MRAS: variants seen among roughly 807,000 people sequenced by gnomAD.
The protein encoded by MRAS is muscle RAS oncogene homolog.
A neutral mutation model predicts 20.9 loss-of-function variants in MRAS; 4 were observed. The observed-to-expected ratio is 0.19, with a 90% confidence interval of 0.09 to 0.44. MRAS has a LOEUF of 0.44. Among genes scored for constraint, MRAS ranks in the 20% least tolerant of loss-of-function variants. MRAS has a pLI of 0.99. For missense variants in MRAS, 154 were observed against 277.5 expected (o/e 0.56, Z 3.16); for synonymous variants, 98 against 102.9 (o/e 0.95, Z 0.29).
rs1398301625 is a variant in MRAS, at chr3:138,372,848, CAT to C, written c.-18-17_-18-16del. 1.4e-6 allele frequency: 2 copies of C among 1,481,402 alleles called. No homozygotes were observed. Among genetic ancestry groups the C allele is most frequent in the Non-Finnish European group, 1.8e-6 (2 of 1,117,950 alleles). The allele number at this position is 1,481,402 out of a possible 1,614,324, so 91.8% of individuals were successfully genotyped here. A position where few individuals can be genotyped will look rare whatever the true frequency, so the allele number is the denominator to read the frequency against. ...TAAAAAAGCCCTCTGTCTCATTCCA[CAT>C]GTCTTGCTGCCGCAGGTCTGACCTA... is the stretch of plus-strand genomic sequence containing the variant. On this transcript the variant is annotated splice_polypyrimidine_tract_variant and intron_variant, in intron 1 of 5. Coordinates refer to ENST00000423968, the MANE Select transcript of MRAS (RefSeq NM_001085049.3).
intron 2 of MRAS, among the ~76,000 whole-genome samples, chr3:138,387,508 A>C (rs956162843): frequency 1.3e-5 from 2 of 152,312 alleles, no homozygotes; most frequent in South Asian, 2.1e-4. Context: ...TCTACTGCTC[A>C]TTAGCCATAT....
At chr3:138,378,536 G>A (rs1277063934) in intron 2 of MRAS, among the ~76,000 whole-genome samples, 1 of 152,166 alleles carries the variant, frequency 6.6e-6, no homozygotes, top group Non-Finnish European at 1.5e-5. Context: ...TCTCCACTGT[G>A]GGGTTTGCTT....
At chr3:138,398,384 T>C in intron 3 of MRAS, 85 bp from the exon 4 acceptor site, 1 of 1,115,098 alleles carries the variant, frequency 9.0e-7, no homozygotes, top group Non-Finnish European at 1.4e-6. Flanking sequence ...CTGGCTGTGC[T>C]ATGCCTGAGA....
intron 2 of MRAS, among the ~76,000 whole-genome samples, chr3:138,385,130 G>T (rs2054982937): frequency 6.6e-6 from 1 of 151,098 alleles, no homozygotes; most frequent in African/African-American, 2.4e-5. Flanking sequence ...GAGAGGTGAG[G>T]CCAAGGGGCG....
intron 2 of MRAS, among the ~76,000 whole-genome samples, chr3:138,380,419 T>G (rs1258436006): frequency 2.0e-5 from 3 of 152,164 alleles, no homozygotes; most frequent in Non-Finnish European, 4.4e-5. Flanking sequence ...TTCAAGTGAT[T>G]ATCCTGCCTC....
intron 4 of MRAS, among the ~76,000 whole-genome samples, chr3:138,399,179 C>G (rs976575569): frequency 1.3e-5 from 2 of 152,192 alleles, no homozygotes; most frequent in Admixed American, 6.5e-5. Flanking sequence ...CCGGTGTTGA[C>G]CTTGAGCAAG....
intron 1 of MRAS, among the ~76,000 whole-genome samples, chr3:138,362,735 G>A (rs538814780): frequency 6.6e-5 from 10 of 152,156 alleles, no homozygotes; most frequent in South Asian, 2.1e-4. Context: ...GCAGCCTTGG[G>A]CACTTGTTTT....
At chr3:138,349,422 C>T (rs2054182118) in intron 1 of MRAS, 1 of 152,306 alleles carries the variant, frequency 6.6e-6, no homozygotes, top group Non-Finnish European at 1.5e-5. Context: ...GTGGGAGCCC[C>T]TAGGGGTCCC....
intron 5 of MRAS, among the ~76,000 whole-genome samples, chr3:138,401,726 T>C (rs1005359595): frequency 6.6e-6 from 1 of 152,216 alleles, no homozygotes; most frequent in African/African-American, 2.4e-5. Flanking sequence ...TGTGAACCTA[T>C]AGTGCCAAGG....
At chr3:138,367,073 G>A (rs1215783667) in intron 1 of MRAS, among the ~76,000 whole-genome samples, 1 of 152,176 alleles carries the variant, frequency 6.6e-6, no homozygotes, top group Non-Finnish European at 1.5e-5. Context: ...CTGCCGTTTT[G>A]CCATTTTGTG....
intron 5 of MRAS, among the ~76,000 whole-genome samples, chr3:138,401,843 A>G (rs2055366177): frequency 6.6e-6 from 1 of 152,208 alleles, no homozygotes; most frequent in African/African-American, 2.4e-5. Flanking sequence ...AGAGGCCAGC[A>G]CTCTATAAGA....
intron 2 of MRAS, among the ~76,000 whole-genome samples, chr3:138,389,751 C>T (rs1376475407): frequency 1.3e-5 from 2 of 151,858 alleles, no homozygotes; most frequent in African/African-American, 4.8e-5. Context: ...ATGGTAATAT[C>T]TTACTTCCAA....
chr3:138,397,612 G>A (rs1465998115), intron 3 of MRAS, 135 bp downstream of exon 3: 1 of 1,051,832 alleles, frequency 9.5e-7, no homozygotes, highest in Non-Finnish European at 1.3e-6. Context: ...GCCTTATGTG[G>A]AGTAATTAAA....
chr3:138,400,250 T>C (rs1289085954), intron 4 of MRAS: 1 of 327,328 alleles, frequency 3.1e-6, no homozygotes, highest in South Asian at 5.9e-5. Context: ...AAACAGTCTT[T>C]CATCTTCAAG....
intron 2 of MRAS, among the ~76,000 whole-genome samples, chr3:138,383,160 C>T (rs2054939967): frequency 1.3e-5 from 2 of 152,104 alleles, no homozygotes; most frequent in Non-Finnish European, 2.9e-5. Flanking sequence ...AAGGACTGTG[C>T]CCACCATTGT....
At chr3:138,364,763 G>C (rs552472080) in intron 1 of MRAS, among the ~76,000 whole-genome samples, 241 of 152,368 alleles carry the variant, frequency 1.6e-3, no homozygotes, top group African/African-American at 5.6e-3. Context: ...AGCTGTCCCA[G>C]CCTGGATCTG....
At chr3:138,400,929 C>T in intron 5 of MRAS, among the ~76,000 whole-genome samples, 1 of 152,288 alleles carries the variant, frequency 6.6e-6, no homozygotes, top group Non-Finnish European at 1.5e-5. Flanking sequence ...GTGTTCTCCT[C>T]ACACCAAAGC....
At chr3:138,400,679 G>T in intron 5 of MRAS, 66 bp downstream of exon 5, 1 of 1,372,350 alleles carries the variant, frequency 7.3e-7, no homozygotes, top group Non-Finnish European at 1.0e-6. Flanking sequence ...AGGCAGCTGG[G>T]AGCTTGAGGA....
chr3:138,380,469 C>T (rs989071997), intron 2 of MRAS, among the ~76,000 whole-genome samples: 3 of 148,130 alleles, frequency 2.0e-5, no homozygotes, highest in South Asian at 2.2e-4. Flanking sequence ...TGCACCACCA[C>T]GCCTGGCTAA....
Sources: allele counts gnomAD v4.1 joint callset (sites outside exome capture counted in the v4.1 genomes callset), GRCh38; gene constraint gnomAD v4.1.1; transcripts MANE v1.5; gene names NCBI Gene and HGNC (gene_info 2026-07-23, HGNC 2026-07-21).